PTPRO: variants seen among roughly 807,000 people sequenced by gnomAD.
PTPRO encodes receptor-type tyrosine-protein phosphatase O.
In PTPRO, 62 loss-of-function variants were observed where a neutral mutation model predicts 145.2. The ratio of observed to expected loss-of-function variants is 0.43; its 90% confidence interval spans 0.35 to 0.53. The LOEUF is 0.53. Ranked by LOEUF, PTPRO falls within the 20% of genes least tolerant of loss-of-function variation. The pLI, the probability that PTPRO is intolerant of heterozygous loss-of-function variation, is 0.01. For synonymous variants in PTPRO, 565 were observed against 514.7 expected (o/e 1.10, Z -1.32); for missense variants, 1,345 against 1,482.7 (o/e 0.91, Z 1.53).
chr12:15,566,256 T>C (rs1943895429), intron 18 of PTPRO, among the ~76,000 whole-genome samples: 1 of 152,156 alleles, frequency 6.6e-6, no homozygotes. Context: ...AGTGGAACTT[T>C]CCTTTATATA....
intron 1 of PTPRO, among the ~76,000 whole-genome samples, chr12:15,387,692 G>A (rs1056928290): frequency 2.0e-5 from 3 of 152,074 alleles, no homozygotes; most frequent in East Asian, 1.9e-4. Flanking sequence ...ACATAACCTG[G>A]TACTATATAT....
intron 1 of PTPRO, among the ~76,000 whole-genome samples, chr12:15,408,318 A>G (rs118057921): frequency 1.3e-3 from 192 of 152,290 alleles, no homozygotes; most frequent in Admixed American, 2.2e-3. Flanking sequence ...AATAAGATCA[A>G]TCATATCCTG....
intron 1 of PTPRO, among the ~76,000 whole-genome samples, chr12:15,385,939 GT>G (rs1939014807): frequency 6.6e-6 from 1 of 151,952 alleles, no homozygotes; most frequent in Non-Finnish European, 1.5e-5. Flanking sequence ...CTGGGTGGAG[GT>G]TTAAAAATAA....
intron 7 of PTPRO, among the ~76,000 whole-genome samples, chr12:15,514,468 A>C (rs1167021108): frequency 7.3e-6 from 1 of 137,898 alleles, no homozygotes; most frequent in African/African-American, 3.0e-5. Flanking sequence ...AAAAAAAAAA[A>C]AAAAAGAAAG....
Position 15,513,092 on chromosome 12 carries a change from GAAGA to G in PTPRO, c.1465-2390_1465-2387del, listed in dbSNP as rs1555171439. Among the ~76,000 whole-genome samples, 24 of 19,672 alleles carry G rather than the reference GAAGA, an allele frequency of 1.2e-3. 1 individual carries two copies. Among genetic ancestry groups the G allele is most frequent in the African/African-American group, 2.7e-3 (20 of 7,544 alleles). The allele number at this position is 19,672 out of a possible 152,430, so 12.9% of individuals were successfully genotyped here. A position where few individuals can be genotyped will look rare whatever the true frequency, so the allele number is the denominator to read the frequency against. Reference sequence around the variant, plus strand: ...AGAAGGAAAGAAAGAAAGAAAGAAAGAAGAAAGAAAGAAAGAAAGGAAGGAAGGA... The same window carrying G: ...AGAAGGAAAGAAAGAAAGAAAGAAAGAAGAAAGAAAGAAAGGAAGGAAGGA... On this transcript the variant is annotated intron_variant, in intron 7 of 26. Transcript: ENST00000281171.
chr12:15,414,705 C>T (rs1458609584), intron 1 of PTPRO, among the ~76,000 whole-genome samples: 5 of 152,204 alleles, frequency 3.3e-5, no homozygotes, highest in African/African-American at 9.6e-5. Context: ...TTCTCTCCTT[C>T]ACACTTACCT....
intron 1 of PTPRO, among the ~76,000 whole-genome samples, chr12:15,431,035 G>A (rs1273912913): frequency 6.6e-6 from 1 of 152,192 alleles, no homozygotes; most frequent in East Asian, 1.9e-4. Flanking sequence ...AAAAAAATGT[G>A]TAATCAATTT....
chr12:15,521,739 C>A (rs568751869), intron 10 of PTPRO, among the ~76,000 whole-genome samples: 1 of 152,256 alleles, frequency 6.6e-6, no homozygotes, highest in South Asian at 2.1e-4. Flanking sequence ...ATATTGAACA[C>A]CACCCTGACA....
At position 15,580,036 on chromosome 12, in the gene PTPRO, C is replaced by T; in HGVS notation, c.2921-3C>T. 6.2e-7 allele frequency: 1 copy of T among 1,611,474 alleles called. No homozygotes were observed. The highest frequency in any genetic ancestry group is 8.5e-7 in the Non-Finnish European group (1 of 1,178,364). On this transcript the variant is annotated splice_region_variant and splice_polypyrimidine_tract_variant and intron_variant, in intron 20 of 26. Transcript: ENST00000281171. ...AATATTTTTTTCTCCTTATTCTCTA[C>T]AGATGACTTCAGCCGTGTGAGATTA...
chr12:15,461,978 G>T lies in PTPRO; in HGVS notation c.76-21996G>T, dbSNP rs1238406347. On this transcript the variant is annotated intron_variant, in intron 1 of 26. Coordinates refer to ENST00000281171, the MANE Select transcript of PTPRO (RefSeq NM_030667.3). ...GAAAAGCTGACCATGTTCATCTCAT[G>T]CCTGGAACACTTTAACAGCCCCAAG... Among the ~76,000 whole-genome samples the T allele has an allele frequency of 2.0e-5, 3 of 152,204 alleles. No individual in the cohort carries two copies. The East Asian group carries it at 5.8e-4, about 29-fold the overall frequency.
chr12:15,440,061 T>C, intron 1 of PTPRO: 1 of 641,618 alleles, frequency 1.6e-6, no homozygotes, highest in Non-Finnish European at 2.8e-6. Flanking sequence ...CCCCACACTG[T>C]CCCTTGCAAG....
At chr12:15,586,325 G>A (rs1944428684) in intron 23 of PTPRO, among the ~76,000 whole-genome samples, 1 of 152,190 alleles carries the variant, frequency 6.6e-6, no homozygotes, top group Admixed American at 6.5e-5. Context: ...GAGTGCTGGG[G>A]GCATGAACAG....
chr12:15,579,739 C>T (rs1944268625), intron 20 of PTPRO, among the ~76,000 whole-genome samples: 1 of 151,984 alleles, frequency 6.6e-6, no homozygotes, highest in African/African-American at 2.4e-5. Flanking sequence ...TATAGCTGTC[C>T]AATCAATCTC....
chr12:15,431,779 A>T (rs912665704), intron 1 of PTPRO, among the ~76,000 whole-genome samples: 1 of 152,228 alleles, frequency 6.6e-6, no homozygotes, highest in Non-Finnish European at 1.5e-5. Context: ...AAAGAACGAT[A>T]GATTATGATG....
chr12:15,338,200 C>A (rs899166543), intron 1 of PTPRO, among the ~76,000 whole-genome samples: 1 of 152,164 alleles, frequency 6.6e-6, no homozygotes, highest in Non-Finnish European at 1.5e-5. Context: ...TATTTCCTTG[C>A]AACTTCGTAT....
At chr12:15,562,078 A>G (rs1051539662) in intron 17 of PTPRO, among the ~76,000 whole-genome samples, 2 of 152,176 alleles carry the variant, frequency 1.3e-5, no homozygotes, top group African/African-American at 2.4e-5. Context: ...TCCAGTTGAG[A>G]AGAGAAGGTA....
chr12:15,418,223 T>C (rs1293590155), intron 1 of PTPRO, among the ~76,000 whole-genome samples: 1 of 151,844 alleles, frequency 6.6e-6, no homozygotes, highest in Non-Finnish European at 1.5e-5. Context: ...AAGGCTGCTC[T>C]ACTTGCTGCA....
At chr12:15,534,946 T>C (rs1043159769) in intron 12 of PTPRO, among the ~76,000 whole-genome samples, 1 of 152,142 alleles carries the variant, frequency 6.6e-6, no homozygotes, top group African/African-American at 2.4e-5. Context: ...GTGGTTGTAA[T>C]GGAGATGAAG....
chr12:15,478,112 C>A (rs1217578331), intron 1 of PTPRO, among the ~76,000 whole-genome samples: 1 of 152,134 alleles, frequency 6.6e-6, no homozygotes, highest in Non-Finnish European at 1.5e-5. Context: ...GGGACACTGA[C>A]AAAGCAAAGT....
Sources: allele counts gnomAD v4.1 joint callset (sites outside exome capture counted in the v4.1 genomes callset), GRCh38; gene constraint gnomAD v4.1.1; transcripts MANE v1.5; gene names NCBI Gene and HGNC (gene_info 2026-07-23, HGNC 2026-07-21).